Variants in FER1L5 observed in about 807,000 individuals in gnomAD.
FER1L5 encodes fer-1 like family member 5, also known as fer-1-like protein 5.
In FER1L5, 187 loss-of-function variants were observed where a neutral mutation model predicts 279.9. The observed-to-expected ratio is 0.67, with a 90% CI of 0.59 to 0.75. The LOEUF is 0.75. Ranked by LOEUF, FER1L5 falls within the 30% of genes least tolerant of loss-of-function variation. The pLI is 0.00. For missense variants in FER1L5, 2,091 were observed against 2,594.4 expected (o/e 0.81, Z 4.21); for synonymous variants, 921 against 989.7 (o/e 0.93, Z 1.30).
chr2:96,653,727 C>T, intron 8 of FER1L5, 25 bp downstream of exon 8: 3 of 1,540,656 alleles, frequency 1.9e-6, no homozygotes, highest in Non-Finnish European at 2.6e-6. Context: ...TGGTCCCCAG[C>T]AAGGTGGGTT....
chr2:96,664,424 T>C (rs1334161613), intron 14 of FER1L5, among the ~76,000 whole-genome samples: 3 of 152,210 alleles, frequency 2.0e-5, no homozygotes, highest in African/African-American at 7.2e-5. Flanking sequence ...TAGTGTTTCA[T>C]AGAAATGGAA....
intron 34 of FER1L5, 104 bp from the exon 35 acceptor site, chr2:96,695,405 C>A: frequency 3.5e-6 from 5 of 1,413,678 alleles, no homozygotes; most frequent in Admixed American, 2.9e-5. Context: ...GCCCTGCAGG[C>A]TCCTGCTGCA....
At chr2:96,644,913 AC>A in intron 1 of FER1L5, among the ~76,000 whole-genome samples, 1 of 152,248 alleles carries the variant, frequency 6.6e-6, no homozygotes, top group East Asian at 1.9e-4. Context: ...CATCTTCCCC[AC>A]CACCTCATGG....
rs1217747451 is a variant in FER1L5 at position 96,700,082 on chromosome 2, T to G, written c.4930+2T>G. The G allele has an allele frequency of 6.2e-7, 1 of 1,613,658 alleles. No individual in the cohort carries two copies. Among genetic ancestry groups the G allele is most frequent in the Non-Finnish European group, 8.5e-7 (1 of 1,179,848 alleles). ...AAAAGTTCAAGCTGCAAAGCTTTGGTGAGCAGCGCAGAACACTAGCAGAAA... is the reference window on the plus strand; with the variant it reads ...AAAAGTTCAAGCTGCAAAGCTTTGGGGAGCAGCGCAGAACACTAGCAGAAA... On this transcript the variant is annotated splice_donor_variant, in intron 44 of 52. Coordinates refer to ENST00000624922, the MANE Select transcript of FER1L5 (RefSeq NM_001293083.2). LOFTEE classifies it high-confidence loss of function.
chr2:96,675,298 G>A (rs1335833835), intron 19 of FER1L5, among the ~76,000 whole-genome samples: 2 of 151,974 alleles, frequency 1.3e-5, no homozygotes, highest in African/African-American at 4.8e-5. Context: ...TATACCTATG[G>A]GTGGAAAAGA....
rs776657889 is a variant in FER1L5 at position 96,673,068 on chromosome 2, T to C, written c.1492-9T>C. 15 of 1,550,462 alleles carry C rather than the reference T, an allele frequency of 9.7e-6. No individual in the cohort carries two copies. The highest frequency in any genetic ancestry group is 1.3e-5 in the Non-Finnish European group (15 of 1,146,422). ...TGGGTATGGGGGGTGGGGGCGGTTA[T>C]TGTTTCAGAAGCACCAGAACCGCCA... On this transcript the variant is annotated splice_polypyrimidine_tract_variant and intron_variant, in intron 18 of 52. Coordinates refer to ENST00000624922, the MANE Select transcript of FER1L5 (RefSeq NM_001293083.2).
chr2:96,649,727 C>A, intron 5 of FER1L5, 50 bp downstream of exon 5: 1 of 1,529,098 alleles, frequency 6.5e-7, no homozygotes, highest in Non-Finnish European at 8.9e-7. Context: ...TGCCTTTCTG[C>A]ATGCACAGCT....
Position 96,694,206 on chromosome 2 carries a change from G to C in FER1L5, c.3636+134G>C, listed in dbSNP as rs924744382. On this transcript the variant is annotated intron_variant, in intron 33 of 52. Transcript: ENST00000624922. This position sits in a 1 kb window ranked among gnomAD's most constrained non-coding sequence, Gnocchi z 4.6. ...CAGGATCCCGAGCTGTGGGCTTGGT[G>C]ACGCTGGCCTGACCAGCCTCTCCCC... The C allele has an allele frequency of 3.7e-6, 5 of 1,365,992 alleles. No homozygotes were observed. In the African/African-American group the frequency reaches 5.8e-5, roughly 16 times the overall value. The allele number at this position is 1,365,992 out of a possible 1,614,324, so 84.6% of individuals were successfully genotyped here.
At chr2:96,659,460 T>C (rs777789058) in intron 9 of FER1L5, among the ~76,000 whole-genome samples, 614 of 27,412 alleles carry the variant, frequency 0.022, 29 homozygotes, top group Non-Finnish European at 0.028. Flanking sequence ...TTTCTTTCTT[T>C]CTTTCTTTCT....
At chr2:96,692,071 G>T in intron 30 of FER1L5, 33 bp from the exon 31 acceptor site, 1 of 1,551,198 alleles carries the variant, frequency 6.4e-7, no homozygotes, top group South Asian at 1.2e-5. Context: ...GGGGTCCTGG[G>T]GCAGGTGACA....
chr2:96,661,216 A>G, intron 10 of FER1L5, 109 bp from the exon 11 acceptor site: 1 of 684,724 alleles, frequency 1.5e-6, no homozygotes, highest in East Asian at 2.8e-5. Flanking sequence ...AGAAAGCAGG[A>G]TGCCTGAGAC....
intron 2 of FER1L5, 82 bp downstream of exon 2, chr2:96,646,535 G>A: frequency 7.2e-7 from 1 of 1,396,694 alleles, no homozygotes; most frequent in South Asian, 1.3e-5. Context: ...AAGGTGCTCA[G>A]AGGTCTAGGG....
At chr2:96,647,516 A>T (rs1451920116) in intron 3 of FER1L5, among the ~76,000 whole-genome samples, 2 of 152,160 alleles carry the variant, frequency 1.3e-5, no homozygotes, top group East Asian at 3.9e-4. Context: ...AAGACAGAGA[A>T]TCCTATTGGC....
chr2:96,704,149 G>C, intron 51 of FER1L5, 66 bp from the exon 52 acceptor site: 1 of 1,576,956 alleles, frequency 6.3e-7, no homozygotes, highest in African/African-American at 1.4e-5. Context: ...AAAGCTCTTT[G>C]CATCAGATTA....
At position 96,660,385 on chromosome 2, in the gene FER1L5, A is replaced by T; in HGVS notation, c.778+14A>T. On this transcript the variant is annotated intron_variant, in intron 10 of 52. Transcript: ENST00000624922. ...ACCATTCTCCAGGTAGGTAATACTT[A>T]TGGCAAATATGTATGTCTTCTGAGA... The T allele has an allele frequency of 6.4e-7, 1 of 1,551,506 alleles. No homozygotes were observed. Among genetic ancestry groups the T allele is most frequent in the African/African-American group, 1.4e-5 (1 of 73,158 alleles).
intron 10 of FER1L5, 101 bp from the exon 11 acceptor site, chr2:96,661,224 G>A (rs938976798): frequency 1.3e-6 from 1 of 745,568 alleles, no homozygotes; most frequent in Middle Eastern, 2.8e-4. Context: ...GGATGCCTGA[G>A]ACCTATTTCC....
intron 36 of FER1L5, 34 bp from the exon 37 acceptor site, chr2:96,696,017 AT>A: frequency 6.2e-7 from 1 of 1,613,468 alleles, no homozygotes; most frequent in Non-Finnish European, 8.5e-7. Context: ...CCCTCTCCCC[AT>A]CCTGAGACTC....
chr2:96,700,185 A>C, intron 44 of FER1L5, 105 bp downstream of exon 44: 1 of 1,555,610 alleles, frequency 6.4e-7, no homozygotes, highest in Non-Finnish European at 8.7e-7. Context: ...GGGGAGGACA[A>C]GGAAAGAGCT....
chr2:96,701,844 G>A, intron 45 of FER1L5, 111 bp from the exon 46 acceptor site: 1 of 981,808 alleles, frequency 1.0e-6, no homozygotes, highest in Non-Finnish European at 1.6e-6. Flanking sequence ...ACCCCTCGGT[G>A]TTGGGAACAC....
Sources: gnomAD v4.1 joint callset for allele counts (sites outside exome capture counted in the v4.1 genomes callset) on GRCh38, gnomAD v4.1.1 for gene constraint, Gnocchi (gnomAD v3.1) non-coding constraint, MANE v1.5 for transcripts, NCBI Gene and HGNC (gene_info 2026-07-23, HGNC 2026-07-21) for gene names.